Variants in SHANK2 observed in about 807,000 individuals in gnomAD.
SHANK2 encodes the protein SH3 and multiple ankyrin repeat domains 2.
SHANK2 carries 43 observed loss-of-function variants against 133.7 expected under a neutral mutation model. That is an observed-to-expected ratio of 0.32 (90% CI 0.25 to 0.41). SHANK2 has a LOEUF of 0.41. Among genes scored for constraint, SHANK2 ranks in the 10% least tolerant of loss-of-function variants. SHANK2 has a pLI of 1.00. For missense variants in SHANK2, 1,994 were observed against 2,235.8 expected (o/e 0.89, Z 2.18); for synonymous variants, 1,017 against 952.8 (o/e 1.07, Z -1.24).
intron 17 of SHANK2, among the ~76,000 whole-genome samples, chr11:70,639,032 A>C (rs1438062495): frequency 1.3e-5 from 2 of 151,846 alleles, no homozygotes; most frequent in African/African-American, 2.4e-5. Flanking sequence ...AACAAAAAAA[A>C]CATTGAGAGT....
At chr11:70,491,235 T>C (rs1043011607) in intron 22 of SHANK2, among the ~76,000 whole-genome samples, 6 of 152,248 alleles carry the variant, frequency 3.9e-5, no homozygotes, top group Non-Finnish European at 8.8e-5. Context: ...GCTCCAGCTT[T>C]GAGATGCAGT....
At chr11:70,775,832 G>A (rs541924577) in intron 14 of SHANK2, among the ~76,000 whole-genome samples, 13 of 152,188 alleles carry the variant, frequency 8.5e-5, no homozygotes, top group African/African-American at 1.4e-4. Flanking sequence ...ACCAGCACGC[G>A]GCCCCCATAA....
At chr11:70,526,992 A>T (rs941232442) in intron 17 of SHANK2, among the ~76,000 whole-genome samples, 1 of 152,028 alleles carries the variant, frequency 6.6e-6, no homozygotes, top group Non-Finnish European at 1.5e-5. Context: ...TTGGCTGCTG[A>T]CCAGACGCTC....
intron 17 of SHANK2, among the ~76,000 whole-genome samples, chr11:70,511,371 G>A (rs1377817394): frequency 6.6e-6 from 1 of 152,180 alleles, no homozygotes; most frequent in African/African-American, 2.4e-5. Context: ...TGAGACTTTG[G>A]AACCAGCTAC....
intron 7 of SHANK2, among the ~76,000 whole-genome samples, chr11:71,093,919 G>T (rs961998724): frequency 1.3e-5 from 2 of 152,040 alleles, no homozygotes; most frequent in Non-Finnish European, 2.9e-5. Context: ...GGATGCCTGG[G>T]CGTGCACCAC....
chr11:71,070,172 G>A (rs900093600), intron 9 of SHANK2, among the ~76,000 whole-genome samples: 76 of 152,300 alleles, frequency 5.0e-4, no homozygotes, highest in African/African-American at 1.2e-3. Context: ...GGCATCACAC[G>A]AGATGTGGTT....
At chr11:71,121,084 C>T (rs1463556961) in intron 3 of SHANK2, among the ~76,000 whole-genome samples, 2 of 152,224 alleles carry the variant, frequency 1.3e-5, no homozygotes, top group Admixed American at 6.5e-5. Context: ...AAGAGCACCA[C>T]CTTGAGAATC....
intron 6 of SHANK2, among the ~76,000 whole-genome samples, chr11:71,108,525 C>T (rs1951835715): frequency 6.6e-6 from 1 of 152,206 alleles, no homozygotes; most frequent in Non-Finnish European, 1.5e-5. Context: ...CTCCAGATGT[C>T]CCTACCAACA....
rs147309916 is a variant in SHANK2, at chr11:71,233,622, T to G, written c.-112-8826A>C. On this transcript the variant is annotated intron_variant, in intron 1 of 25. Transcript: ENST00000601538. The stretch of plus-strand genomic sequence containing the variant: ...GGTTTTCAAAGGGTGAATCACAATG[T>G]TATGTAAATTATATCTCAACAAATT... 1.6e-3 allele frequency among the ~76,000 whole-genome samples: 250 copies of G among 152,340 alleles called. 2 individuals are homozygous for G. Among genetic ancestry groups the G allele is most frequent in the African/African-American group, 5.9e-3 (244 of 41,564 alleles).
At chr11:70,482,010 A>G (rs574777188) in intron 25 of SHANK2, among the ~76,000 whole-genome samples, 24 of 152,300 alleles carry the variant, frequency 1.6e-4, no homozygotes, top group African/African-American at 5.5e-4. Context: ...TGTCCTTGTC[A>G]GTGTGTCCCG....
rs1292346773 is a variant in SHANK2 at position 71,193,180 on chromosome 11, C to G, written c.-13+31517G>C. Among the ~76,000 whole-genome samples the G allele has an allele frequency of 2.0e-5, 3 of 152,216 alleles. No homozygotes were observed. In the East Asian group the frequency reaches 5.8e-4, roughly 29 times the overall value. On this transcript the variant is annotated intron_variant, in intron 2 of 25. Coordinates refer to ENST00000601538, the MANE Select transcript of SHANK2 (RefSeq NM_012309.5). ...CCGAAATCATACTAATAAATCAACT[C>G]AAACCAAAGGCACGGGCCCCAGTGA...
At chr11:70,841,624 G>A (rs1555061724) in intron 11 of SHANK2, among the ~76,000 whole-genome samples, 1 of 152,190 alleles carries the variant, frequency 6.6e-6, no homozygotes, top group East Asian at 1.9e-4. Context: ...CTTGACCTGG[G>A]TGCCTGCGAT....
intron 11 of SHANK2, among the ~76,000 whole-genome samples, chr11:70,895,017 T>C (rs1447838679): frequency 3.9e-5 from 6 of 152,220 alleles, no homozygotes; most frequent in African/African-American, 1.4e-4. Flanking sequence ...TCAATCTCTA[T>C]AACGCGCTCA....
chr11:70,734,045 G>A (rs1386907672), intron 14 of SHANK2, among the ~76,000 whole-genome samples: 4 of 152,304 alleles, frequency 2.6e-5, no homozygotes, highest in African/African-American at 9.6e-5. Flanking sequence ...TGACTGGGGA[G>A]AGGGGAAGAG....
At chr11:70,744,937 C>T (rs531962249) in intron 14 of SHANK2, among the ~76,000 whole-genome samples, 1 of 152,338 alleles carries the variant, frequency 6.6e-6, no homozygotes, top group Non-Finnish European at 1.5e-5. Flanking sequence ...GCAGTGGCAG[C>T]TGCACCCTGC....
At chr11:70,738,918 C>A (rs1316033816) in intron 14 of SHANK2, among the ~76,000 whole-genome samples, 1 of 152,230 alleles carries the variant, frequency 6.6e-6, no homozygotes, top group African/African-American at 2.4e-5. Context: ...AGATCCGGCC[C>A]ATGGAGAAAG....
chr11:70,551,964 G>A (rs183256003), intron 17 of SHANK2, among the ~76,000 whole-genome samples: 2 of 152,208 alleles, frequency 1.3e-5, no homozygotes, highest in Non-Finnish European at 2.9e-5. Context: ...CCCGAGGCAC[G>A]GGGGAGCCCG....
chr11:70,658,211 ACAC>A (rs1565220233), intron 17 of SHANK2, among the ~76,000 whole-genome samples: 24 of 76,466 alleles, frequency 3.1e-4, no homozygotes, highest in South Asian at 1.8e-3. Context: ...CCCCCCCAAC[ACAC>A]ACACACACAC....
chr11:70,499,760 G>A (rs1303786164), intron 21 of SHANK2, among the ~76,000 whole-genome samples: 1 of 152,224 alleles, frequency 6.6e-6, no homozygotes, highest in Non-Finnish European at 1.5e-5. Flanking sequence ...GCAAGCCCGG[G>A]GCTGCTGCAG....
Sources: allele counts gnomAD v4.1 joint callset (sites outside exome capture counted in the v4.1 genomes callset), GRCh38; gene constraint gnomAD v4.1.1; transcripts MANE v1.5; gene names NCBI Gene and HGNC (gene_info 2026-07-23, HGNC 2026-07-21).